The following ATG14 variants were observed in gnomAD, a reference collection of about 807,000 sequenced individuals.
ATG14 encodes beclin 1-associated autophagy-related key regulator.
In ATG14, 35 loss-of-function variants were observed where a neutral mutation model predicts 60.4. That is an observed-to-expected ratio of 0.58 (90% CI 0.44 to 0.77). ATG14 has a LOEUF of 0.77. Ranked by LOEUF, ATG14 falls within the 30% of genes least tolerant of loss-of-function variation. ATG14 has a pLI of 0.00. For missense variants in ATG14, 647 were observed against 626.3 expected, an observed-to-expected ratio of 1.03 and a Z score of -0.35; for synonymous variants, 234 against 228.8, an observed-to-expected ratio of 1.02 and a Z score of -0.21.
intron 9 of ATG14, among the ~76,000 whole-genome samples, chr14:55,372,998 A>G (rs889164419): frequency 2.3e-5 from 3 of 132,992 alleles, no homozygotes; most frequent in Non-Finnish European, 5.0e-5. Flanking sequence ...CTGAGAAGCC[A>G]CAGAGCAGGA....
At chr14:55,406,419 T>G (rs560179179) in intron 1 of ATG14, among the ~76,000 whole-genome samples, 13 of 152,292 alleles carry the variant, frequency 8.5e-5, no homozygotes, top group Admixed American at 2.6e-4. Context: ...TTCATGAAGT[T>G]AAGGGGAAAA....
intron 4 of ATG14, among the ~76,000 whole-genome samples, chr14:55,390,493 C>A (rs915547184): frequency 2.0e-5 from 3 of 152,176 alleles, no homozygotes; most frequent in African/African-American, 7.2e-5. Flanking sequence ...CCTGCCTCAG[C>A]CTCCCAAGTA....
intron 3 of ATG14, chr14:55,395,357 G>GTTTA (rs764710899): frequency 2.9e-5 from 6 of 206,036 alleles, no homozygotes; most frequent in Non-Finnish European, 5.8e-5. Context: ...TAAATTTTTT[G>GTTTA]TTTGTTTGTT....
At chr14:55,380,789 T>C in intron 6 of ATG14, 99 bp from the exon 7 acceptor site, 1 of 709,052 alleles carries the variant, frequency 1.4e-6, no homozygotes, top group Non-Finnish European at 2.2e-6. Context: ...ATGATAGCAC[T>C]GTTACGTTTT....
At chr14:55,397,991 A>G (rs1594783468) in intron 1 of ATG14, among the ~76,000 whole-genome samples, 1 of 123,536 alleles carries the variant, frequency 8.1e-6, no homozygotes, top group Non-Finnish European at 1.6e-5. Context: ...TCTGTCACCC[A>G]GGCTGGGGTG....
At chr14:55,382,297 A>T in intron 5 of ATG14, 106 bp from the exon 6 acceptor site, 1 of 904,520 alleles carries the variant, frequency 1.1e-6, no homozygotes, top group Non-Finnish European at 1.7e-6. Context: ...CTATGAGCAC[A>T]GAAATTTTAC....
At chr14:55,383,470 G>A (rs1885069660) in intron 5 of ATG14, among the ~76,000 whole-genome samples, 1 of 152,130 alleles carries the variant, frequency 6.6e-6, no homozygotes, top group Non-Finnish European at 1.5e-5. Context: ...AGAATTGCTT[G>A]AACCTGGGAG....
intron 5 of ATG14, among the ~76,000 whole-genome samples, chr14:55,385,266 A>G (rs1023671110): frequency 5.3e-5 from 8 of 152,056 alleles, no homozygotes; most frequent in African/African-American, 1.9e-4. Context: ...ATGGCCCAAT[A>G]CCACCCATCA....
In ATG14 at chr14:55,382,008, A is replaced by G. The variant is rs753859104; in HGVS notation, c.831T>C (p.Ser277=). The G allele has an allele frequency of 1.2e-6, 2 of 1,614,196 alleles. No homozygotes were observed. The highest frequency in any genetic ancestry group is 1.7e-6 in the Non-Finnish European group (2 of 1,180,026). The part of the protein sequence containing the change: ...WISLPNNGDY[S]AYYSWVEEKK... Reference sequence around the variant, plus strand: ...TCTCCTCCACCCAGCTGTAGTAGGCAGAGTAGTCCCCATTGTTAGGGAGGC... The same window carrying G: ...TCTCCTCCACCCAGCTGTAGTAGGCGGAGTAGTCCCCATTGTTAGGGAGGC... Residue 277 remains serine (S), a synonymous_variant, in exon 6 of 10, where the codon TCT becomes TCC. Coordinates refer to ENST00000247178, the MANE Select transcript of ATG14 (RefSeq NM_014924.5).
intron 1 of ATG14, among the ~76,000 whole-genome samples, chr14:55,400,968 AG>A (rs1383057198): frequency 1.3e-5 from 2 of 149,830 alleles, no homozygotes; most frequent in African/African-American, 5.0e-5. Flanking sequence ...TAAACTGCTT[AG>A]TCAAAGAATA....
At chr14:55,393,906 C>T (rs1885267183) in intron 3 of ATG14, among the ~76,000 whole-genome samples, 1 of 151,922 alleles carries the variant, frequency 6.6e-6, no homozygotes, top group Admixed American at 6.6e-5. Flanking sequence ...CATACTTTAT[C>T]CTAGTTTATT....
At chr14:55,407,164 C>G (rs2140154509) in intron 1 of ATG14, among the ~76,000 whole-genome samples, 1 of 152,066 alleles carries the variant, frequency 6.6e-6, no homozygotes, top group East Asian at 1.9e-4. Context: ...GAGTCTCGCT[C>G]TCTCGCCAGG....
At chr14:55,403,351 G>A (rs1477378170) in intron 1 of ATG14, among the ~76,000 whole-genome samples, 1 of 151,976 alleles carries the variant, frequency 6.6e-6, no homozygotes, top group South Asian at 2.1e-4. Flanking sequence ...AGAGACTGAG[G>A]GATTATGAAA....
intron 1 of ATG14, among the ~76,000 whole-genome samples, chr14:55,411,215 G>A (rs1014511586): frequency 6.6e-6 from 1 of 152,238 alleles, no homozygotes; most frequent in African/African-American, 2.4e-5. Context: ...TAGAGAATGA[G>A]TATAAATATG....
chr14:55,378,809 G>A (rs1003836808), intron 7 of ATG14, among the ~76,000 whole-genome samples: 1 of 152,066 alleles, frequency 6.6e-6, no homozygotes, highest in African/African-American at 2.4e-5. Context: ...GGGCTCAAGC[G>A]ATCCTCCCAC....
At chr14:55,394,927 A>C in intron 3 of ATG14, 1 of 381,510 alleles carries the variant, frequency 2.6e-6, no homozygotes, top group Non-Finnish European at 5.1e-6. Context: ...AAAAGTAAAC[A>C]ACCAGAGAAT....
intron 6 of ATG14, among the ~76,000 whole-genome samples, chr14:55,381,467 C>T (rs559650841): frequency 2.6e-5 from 4 of 152,152 alleles, no homozygotes; most frequent in South Asian, 4.2e-4. Context: ...CAATATTAAC[C>T]CCCAAAAGGT....
At position 55,380,670 on chromosome 14, in the gene ATG14, C is replaced by T. The variant is rs761321012; in HGVS notation, c.898G>A (p.Ala300Thr). 2.5e-6 allele frequency: 4 copies of T among 1,607,260 alleles called. No individual in the cohort carries two copies. Among genetic ancestry groups the T allele is most frequent in the Non-Finnish European group, 3.4e-6 (4 of 1,176,784 alleles). ...CACAGCGCAGCACTGATGGTGTAGGCAGGGTTACTCTGCTCCATGTCTGCA... is the reference window on the plus strand; with the variant it reads ...CACAGCGCAGCACTGATGGTGTAGGTAGGGTTACTCTGCTCCATGTCTGCA... Reference protein sequence around the residue: ...QGPDMEQSNPAYTISAALCYA... With the variant: ...QGPDMEQSNPTYTISAALCYA... The change falls in exon 7 of 10, where the codon GCC (alanine) becomes ACC (threonine). Residue 300 changes from alanine (A) to threonine (T), a missense_variant. Ala to Thr is a moderately conservative substitution (Grantham distance 58). Coordinates refer to ENST00000247178, the MANE Select transcript of ATG14 (RefSeq NM_014924.5).
In ATG14 at chr14:55,402,721, A is replaced by G. The variant is rs186422950; in HGVS notation, c.222-5287T>C. On this transcript the variant is annotated intron_variant, in intron 1 of 9. Coordinates refer to ENST00000247178, the MANE Select transcript of ATG14 (RefSeq NM_014924.5). ...TTTAGGATATGAGAAAGCATAGCAT[A>G]AATATATCCCACTGTCAGGAATAAA... Among the ~76,000 whole-genome samples the G allele has an allele frequency of 6.1e-4, 92 of 150,518 alleles. 1 individual carries two copies. The highest frequency in any genetic ancestry group is 1.7e-3 in the Admixed American group (26 of 15,062).
Sources: allele counts gnomAD v4.1 joint callset (sites outside exome capture counted in the v4.1 genomes callset), GRCh38; gene constraint gnomAD v4.1.1; transcripts MANE v1.5; gene names NCBI Gene and HGNC (gene_info 2026-07-23, HGNC 2026-07-21).